RGSL1: variants seen among roughly 807,000 people sequenced by gnomAD.
RGSL1 encodes regulator of G protein signaling protein-like.
RGSL1 carries 97 observed loss-of-function variants against 124.7 expected under a neutral mutation model. The observed-to-expected ratio is 0.78, with a 90% confidence interval of 0.66 to 0.92. RGSL1 has a LOEUF of 0.92. RGSL1 is among the 40% of genes least tolerant of loss of function. RGSL1 has a pLI of 0.00. For missense variants in RGSL1, 1,233 were observed against 1,288.4 expected, an observed-to-expected ratio of 0.96 and a Z score of 0.66; for synonymous variants, 424 against 438.1, an observed-to-expected ratio of 0.97 and a Z score of 0.40.
chr1:182,481,963 A>T (rs1571535840), intron 6 of RGSL1, among the ~76,000 whole-genome samples: 1 of 152,198 alleles, frequency 6.6e-6, no homozygotes, highest in African/African-American at 2.4e-5. Flanking sequence ...GACAGGCAAG[A>T]TACTGTCTTT....
rs529344259 is a variant in RGSL1 at position 182,551,090 on chromosome 1, C to A, written c.2934-10C>A. 1 of 1,544,880 alleles carries A rather than the reference C, an allele frequency of 6.5e-7. No homozygotes were observed. Among genetic ancestry groups the A allele is most frequent in the East Asian group, 2.4e-5 (1 of 40,870 alleles). On this transcript the variant is annotated splice_polypyrimidine_tract_variant and intron_variant, in intron 17 of 21. Transcript: ENST00000294854. ...TTCCCTCCTATGACCAGAAGCCATT[C>A]TTCCCACAGGTTTTGTTTCTGGAAG...
intron 11 of RGSL1, among the ~76,000 whole-genome samples, chr1:182,528,410 C>G (rs940536410): frequency 2.6e-5 from 4 of 152,154 alleles, no homozygotes; most frequent in Non-Finnish European, 5.9e-5. Context: ...AAAGTCTTAA[C>G]TCATTCCAGC....
intron 21 of RGSL1, among the ~76,000 whole-genome samples, chr1:182,557,761 G>GA (rs1481258908): frequency 5.3e-5 from 8 of 151,210 alleles, no homozygotes; most frequent in South Asian, 2.1e-4. Flanking sequence ...CCCTGAGTTG[G>GA]AAAAAAAAAT....
chr1:182,552,301 G>GA, intron 18 of RGSL1, among the ~76,000 whole-genome samples: 1 of 152,080 alleles, frequency 6.6e-6, no homozygotes, highest in East Asian at 1.9e-4. Flanking sequence ...TTTTAGTAGA[G>GA]ACGGGGGTTT....
At chr1:182,523,211 T>TTA (rs1375316699) in intron 10 of RGSL1, among the ~76,000 whole-genome samples, 8 of 150,130 alleles carry the variant, frequency 5.3e-5, no homozygotes, top group African/African-American at 1.5e-4. Context: ...TTTTTTTCTT[T>TTA]TTTTTTTTTT....
intron 4 of RGSL1, chr1:182,471,450 G>A (rs1442749937): frequency 6.8e-6 from 3 of 438,776 alleles, no homozygotes; most frequent in African/African-American, 6.1e-5. Flanking sequence ...ATTGCCCTAA[G>A]CCCCAGTTAA....
chr1:182,554,908 T>G (rs1660776678), intron 20 of RGSL1: 1 of 554,740 alleles, frequency 1.8e-6, no homozygotes, highest in Non-Finnish European at 3.2e-6. Flanking sequence ...CAGGCACTTT[T>G]AAGAAGTTGG....
At chr1:182,519,010 T>TG (rs573379745) in intron 9 of RGSL1, among the ~76,000 whole-genome samples, 8,875 of 147,028 alleles carry the variant, frequency 0.06, 614 homozygotes, top group African/African-American at 0.17. Flanking sequence ...TAGATTAAAA[T>TG]GGGGGGGGGT....
At position 182,493,087 on chromosome 1, in the gene RGSL1, A is replaced by C; in HGVS notation, c.1783A>C (p.Ser595Arg). The C allele has an allele frequency of 6.4e-7, 1 of 1,551,718 alleles. No individual in the cohort carries two copies. Among genetic ancestry groups the C allele is most frequent in the Non-Finnish European group, 8.7e-7 (1 of 1,146,916 alleles). Residue 595 changes from serine to arginine, a missense_variant, in exon 9 of 22, where the codon AGT becomes CGT. Ser to Arg is a moderately radical substitution (Grantham distance 110). Transcript: ENST00000294854. Reference sequence around the variant, plus strand: ...CCCAAAGATGGCCATACAGAAGATCAGTGATGACTACAAAATATACTGTGA... The same window carrying C: ...CCCAAAGATGGCCATACAGAAGATCCGTGATGACTACAAAATATACTGTGA... The part of the protein sequence containing the change: ...KNPKMAIQKI[S>R]DDYKIYCEKA...
chr1:182,463,756 T>C (rs539902474), intron 4 of RGSL1, among the ~76,000 whole-genome samples: 2 of 152,124 alleles, frequency 1.3e-5, no homozygotes, highest in Non-Finnish European at 2.9e-5. Context: ...TAGACAATCC[T>C]AAAATAATCA....
chr1:182,474,618 C>T lies in RGSL1; in HGVS notation c.1431+76C>T, dbSNP rs545954857. 3.5e-6 allele frequency: 5 copies of T among 1,443,742 alleles called. No individual in the cohort carries two copies. The South Asian group carries it at 5.9e-5, about 17-fold the overall frequency. 89.4% of individuals were successfully genotyped at this position (1,443,742 alleles called of 1,614,324 possible). A position where few individuals can be genotyped will look rare whatever the true frequency, so the allele number is the denominator to read the frequency against. On this transcript the variant is annotated intron_variant, in intron 6 of 21. Coordinates refer to ENST00000294854, the MANE Select transcript of RGSL1 (RefSeq NM_001137669.2). ...CTGACTAAAAATCCCATCTGGTCAC[C>T]TATACTGGCTAAGTGACTATATAAT...
intron 9 of RGSL1, among the ~76,000 whole-genome samples, chr1:182,519,697 C>T (rs906396066): frequency 7.2e-5 from 11 of 151,874 alleles, no homozygotes; most frequent in African/African-American, 2.7e-4. Context: ...TTTTATTATA[C>T]ATATTTTTGA....
chr1:182,540,409 C>G lies in RGSL1; in HGVS notation c.2657C>G (p.Ser886Cys). Residue 886 changes from serine to cysteine, a missense_variant, in exon 15 of 22, where the codon TCT becomes TGT. Coordinates refer to ENST00000294854, the MANE Select transcript of RGSL1 (RefSeq NM_001137669.2). ...NFAINDLYFF[S>C]EMEKFNDLVS... Reference sequence around the variant, plus strand: ...GCGATCAATGATCTATATTTCTTTTCTGAAATGGAGAAGTAAGTTTTCCAC... The same window carrying G: ...GCGATCAATGATCTATATTTCTTTTGTGAAATGGAGAAGTAAGTTTTCCAC... The G allele has an allele frequency of 1.3e-6, 2 of 1,550,182 alleles. No homozygotes were observed. Among genetic ancestry groups the G allele is most frequent in the African/African-American group, 1.4e-5 (1 of 73,068 alleles).
chr1:182,490,915 C>CTTTTT (rs10676767), intron 8 of RGSL1, among the ~76,000 whole-genome samples: 3 of 129,030 alleles, frequency 2.3e-5, no homozygotes, highest in African/African-American at 5.9e-5. Context: ...AGAACATTAT[C>CTTTTT]TTTTTTTTTT....
At chr1:182,448,901 A>C (rs1651631247), upstream of RGSL1, among the ~76,000 whole-genome samples, 1 of 152,212 alleles carries the variant, frequency 6.6e-6, no homozygotes, top group South Asian at 2.1e-4. Context: ...TTAGGACTCA[A>C]GGGTAGGTGC....
chr1:182,534,813 C>A (rs543056550), intron 14 of RGSL1, among the ~76,000 whole-genome samples: 1 of 150,862 alleles, frequency 6.6e-6, no homozygotes, highest in Admixed American at 6.6e-5. Flanking sequence ...GGTGACAGAG[C>A]GAGACTCCAT....
chr1:182,489,775 C>T (rs1265384765), intron 8 of RGSL1, among the ~76,000 whole-genome samples: 2 of 152,166 alleles, frequency 1.3e-5, no homozygotes, highest in African/African-American at 2.4e-5. Flanking sequence ...CTCTTTGAGC[C>T]CCAGTTTTCT....
At chr1:182,502,750 C>T (rs1215891657) in intron 9 of RGSL1, among the ~76,000 whole-genome samples, 1 of 151,312 alleles carries the variant, frequency 6.6e-6, no homozygotes, top group Non-Finnish European at 1.5e-5. Context: ...TTTTATTTTC[C>T]TTTAGCTGAA....
intron 6 of RGSL1, among the ~76,000 whole-genome samples, chr1:182,479,288 ATTAG>A (rs1654521863): frequency 2.6e-5 from 4 of 152,324 alleles, no homozygotes; most frequent in South Asian, 2.1e-4. Flanking sequence ...AACCACCGAA[ATTAG>A]TTAATGAAAA....
Sources: gnomAD v4.1 joint callset for allele counts (sites outside exome capture counted in the v4.1 genomes callset) on GRCh38, gnomAD v4.1.1 for gene constraint, MANE v1.5 for transcripts, NCBI Gene and HGNC (gene_info 2026-07-23, HGNC 2026-07-21) for gene names.